Variants in DPYSL3 observed in about 807,000 individuals in gnomAD.
DPYSL3 encodes dihydropyrimidinase like 3.
DPYSL3 carries 16 observed loss-of-function variants against 66.1 expected under a neutral mutation model. The ratio of observed to expected loss-of-function variants is 0.24; its 90% CI spans 0.16 to 0.37. DPYSL3 has a LOEUF of 0.37. Among genes scored for constraint, DPYSL3 ranks in the 10% least tolerant of loss-of-function variants. DPYSL3 has a pLI of 1.00. For synonymous variants in DPYSL3, 338 were observed against 345.1 expected, an observed-to-expected ratio of 0.98 and a Z score of 0.23; for missense variants, 738 against 916.2, an observed-to-expected ratio of 0.81 and a Z score of 2.51.
intron 1 of DPYSL3, among the ~76,000 whole-genome samples, chr5:147,465,016 T>C (rs1330448489): frequency 6.6e-6 from 1 of 152,072 alleles, no homozygotes; most frequent in African/African-American, 2.4e-5. Flanking sequence ...CTAGCCAACA[T>C]AGCTTTTTCT....
chr5:147,509,301 C>T lies in DPYSL3; in HGVS notation c.381+177G>A, dbSNP rs544988042. On this transcript the variant is annotated intron_variant, in intron 1 of 13. Coordinates refer to ENST00000343218, the MANE Select transcript of DPYSL3 (RefSeq NM_001197294.2). This position sits in a 1 kb window ranked among gnomAD's most constrained non-coding sequence, Gnocchi z 5.3. ...AAGATGCTGCAAGTGGCGACACGCG[C>T]GAATCCAGGGTCTGGGCTAGGAAGT... Among the ~76,000 whole-genome samples, 1 of 152,314 alleles carries T rather than the reference C, an allele frequency of 6.6e-6. No individual in the cohort carries two copies. Among genetic ancestry groups the T allele is most frequent in the Non-Finnish European group, 1.5e-5 (1 of 68,028 alleles).
chr5:147,403,727 T>C (rs1758255247), intron 8 of DPYSL3, among the ~76,000 whole-genome samples: 1 of 152,210 alleles, frequency 6.6e-6, no homozygotes, highest in Non-Finnish European at 1.5e-5. Context: ...CAAACCCTGC[T>C]ACACTTTGTC....
intron 1 of DPYSL3, among the ~76,000 whole-genome samples, chr5:147,434,175 C>G (rs1752371273): frequency 6.6e-6 from 1 of 152,202 alleles, no homozygotes; most frequent in African/African-American, 2.4e-5. Flanking sequence ...TACAAGGCAG[C>G]TATTACCATT....
intron 1 of DPYSL3, among the ~76,000 whole-genome samples, chr5:147,445,567 C>A (rs1561791121): frequency 6.6e-6 from 1 of 152,046 alleles, no homozygotes; most frequent in Non-Finnish European, 1.5e-5. Context: ...TCAGTGGTAA[C>A]AAAACAAAAA....
intron 1 of DPYSL3, among the ~76,000 whole-genome samples, chr5:147,461,970 A>G (rs1346222843): frequency 3.9e-5 from 6 of 152,166 alleles, no homozygotes; most frequent in Non-Finnish European, 8.8e-5. Flanking sequence ...AAATCAAAAA[A>G]TTTGTTTTAT....
chr5:147,405,428 A>T (rs531091675), intron 8 of DPYSL3, among the ~76,000 whole-genome samples, 182 bp downstream of exon 8: 1 of 152,328 alleles, frequency 6.6e-6, no homozygotes, highest in Non-Finnish European at 1.5e-5. Flanking sequence ...GCCTCAGTTT[A>T]CTTAAATGCC....
intron 1 of DPYSL3, among the ~76,000 whole-genome samples, chr5:147,502,376 T>TACACACAC (rs10561693): frequency 0.11 from 15,729 of 149,420 alleles, 851 homozygotes; most frequent in Middle Eastern, 0.2. Context: ...ATGTCACAGA[T>TACACACAC]ACACACACAC....
At chr5:147,466,275 G>C (rs1477973253) in intron 1 of DPYSL3, among the ~76,000 whole-genome samples, 6 of 152,134 alleles carry the variant, frequency 3.9e-5, no homozygotes, top group Admixed American at 3.9e-4. Context: ...TGAATTTCTG[G>C]CATCAGAAAT....
chr5:147,498,890 T>C (rs1212874947), intron 1 of DPYSL3, among the ~76,000 whole-genome samples: 2 of 152,208 alleles, frequency 1.3e-5, no homozygotes, highest in South Asian at 4.1e-4. Context: ...CCTCTGATAA[T>C]AGTTTCTTTT....
Position 147,415,725 on chromosome 5 carries a change from G to T in DPYSL3, c.804C>A (p.Asn268Lys). ...CGGGCTCACCTTTGTCCTTGATGAG[G>T]TTCTGCACTTCCTGCTTGACGCTGT... ...WNDSVKQEVQ[N>K]LIKDKGVNSF... The change falls in exon 4 of 14, where the codon AAC becomes AAA. Residue 268 changes from asparagine (N) to lysine (K), a missense_variant. Coordinates refer to ENST00000343218, the MANE Select transcript of DPYSL3 (RefSeq NM_001197294.2). The T allele has an allele frequency of 6.2e-7, 1 of 1,613,992 alleles. No homozygotes were observed. The highest frequency in any genetic ancestry group is 1.1e-5 in the South Asian group (1 of 91,076).
chr5:147,488,990 G>A (rs1433912033), intron 1 of DPYSL3, among the ~76,000 whole-genome samples: 1 of 151,532 alleles, frequency 6.6e-6, no homozygotes, highest in Non-Finnish European at 1.5e-5. Context: ...ACTCCAGCCT[G>A]GGCAACAAGA....
chr5:147,400,949 C>T, intron 9 of DPYSL3, 116 bp from the exon 10 acceptor site: 1 of 1,295,438 alleles, frequency 7.7e-7, no homozygotes, highest in Non-Finnish European at 1.0e-6. Context: ...GTTTGGAATG[C>T]CTCCTCTACC....
chr5:147,454,682 A>C (rs553524727), intron 1 of DPYSL3, among the ~76,000 whole-genome samples: 71 of 152,346 alleles, frequency 4.7e-4, no homozygotes, highest in Non-Finnish European at 9.1e-4. Flanking sequence ...GCTCCCCATC[A>C]GTAATGAACC....
At chr5:147,468,076 T>C (rs919046763) in intron 1 of DPYSL3, among the ~76,000 whole-genome samples, 1 of 152,190 alleles carries the variant, frequency 6.6e-6, no homozygotes, top group African/African-American at 2.4e-5. Context: ...AGTTCCAACA[T>C]ATAAATTTCC....
intron 1 of DPYSL3, among the ~76,000 whole-genome samples, chr5:147,464,326 A>G (rs1034279884): frequency 1.3e-5 from 2 of 152,198 alleles, no homozygotes; most frequent in African/African-American, 4.8e-5. Flanking sequence ...CCAGGGACCC[A>G]ACTCGAAATA....
At chr5:147,454,453 G>A (rs566824454) in intron 1 of DPYSL3, among the ~76,000 whole-genome samples, 1 of 152,316 alleles carries the variant, frequency 6.6e-6, no homozygotes, top group East Asian at 1.9e-4. Context: ...AGGCTGCAAG[G>A]GGCACGGTAG....
intron 1 of DPYSL3, among the ~76,000 whole-genome samples, chr5:147,478,631 T>C (rs1486794966): frequency 1.3e-5 from 2 of 152,224 alleles, no homozygotes; most frequent in Non-Finnish European, 2.9e-5. Context: ...CTCTCCTTTA[T>C]TGATCCTCTG....
intron 1 of DPYSL3, among the ~76,000 whole-genome samples, chr5:147,497,707 T>TAAA (rs35494023): frequency 2.0e-5 from 3 of 146,660 alleles, no homozygotes; most frequent in East Asian, 4.0e-4. Flanking sequence ...CCATTCATGA[T>TAAA]AAAAAAAAAA....
In DPYSL3 at chr5:147,464,115, G is replaced by T. The variant is rs139264494; in HGVS notation, c.382-39152C>A. Reference sequence around the variant, plus strand: ...TTTTAACCAGAAGCTACCATCCTGAGTGTGAAGGAATGGCCTATTGAAGGG... The same window carrying T: ...TTTTAACCAGAAGCTACCATCCTGATTGTGAAGGAATGGCCTATTGAAGGG... On this transcript the variant is annotated intron_variant, in intron 1 of 13. Transcript: ENST00000343218. Among the ~76,000 whole-genome samples the T allele has an allele frequency of 5.0e-3, 769 of 152,280 alleles. 9 individuals are homozygous for T. Among genetic ancestry groups the T allele is most frequent in the Middle Eastern group, 6.8e-3 (2 of 294 alleles).
Sources: gnomAD v4.1 joint callset for allele counts (sites outside exome capture counted in the v4.1 genomes callset) on GRCh38, gnomAD v4.1.1 for gene constraint, Gnocchi (gnomAD v3.1) non-coding constraint, MANE v1.5 for transcripts, NCBI Gene and HGNC (gene_info 2026-07-23, HGNC 2026-07-21) for gene names.